Variants in SMPX observed in about 807,000 individuals in gnomAD.
The protein encoded by SMPX is small muscular protein.
Under a neutral mutation model 6.3 loss-of-function variants are expected in SMPX, and 2 were observed. That is an observed-to-expected ratio of 0.32 (90% CI 0.13 to 0.99). The LOEUF is 0.99. Among genes scored for constraint, SMPX ranks in the 50% least tolerant of loss-of-function variants. The pLI is 0.49. For synonymous variants in SMPX, 32 were observed against 24.7 expected, an observed-to-expected ratio of 1.30 and a Z score of -0.88; for missense variants, 60 against 66.8, an observed-to-expected ratio of 0.90 and a Z score of 0.36.
chrX:21,718,676 C>T (rs2092788058), intron 4 of SMPX, among the ~76,000 whole-genome samples: 1 of 111,772 alleles, frequency 8.9e-6, no homozygotes, highest in African/African-American at 3.3e-5. Context: ...GGAAATAAGC[C>T]TTGTGAGGGA....
intron 3 of SMPX, 62 bp downstream of exon 3, chrX:21,743,688 C>T: frequency 9.9e-7 from 1 of 1,005,854 alleles, no homozygotes; most frequent in East Asian, 3.0e-5. Context: ...CCTCTGCCCC[C>T]TCTGGTGAGG....
At chrX:21,708,368 T>C (rs2092775154) in intron 4 of SMPX, among the ~76,000 whole-genome samples, 1 of 112,413 alleles carries the variant, frequency 8.9e-6, no homozygotes, top group Non-Finnish European at 1.9e-5. Flanking sequence ...GAGAAGTATA[T>C]AGCAGAGATC....
chrX:21,717,004 CTG>C (rs2092785961), intron 4 of SMPX, among the ~76,000 whole-genome samples: 1 of 111,708 alleles, frequency 9.0e-6, no homozygotes, highest in Admixed American at 9.5e-5. Context: ...GAAGTGAAGT[CTG>C]TGCTTTTAGT....
chrX:21,711,481 A>T (rs777739355), intron 4 of SMPX, among the ~76,000 whole-genome samples: 1 of 112,058 alleles, frequency 8.9e-6, no homozygotes, highest in Admixed American at 9.4e-5. Flanking sequence ...CGTAACTTTT[A>T]TACCCAGACC....
chrX:21,733,611 C>A (rs767654946), intron 4 of SMPX: 1 of 280,754 alleles, frequency 3.6e-6, no homozygotes, highest in Admixed American at 4.2e-5. Context: ...TTGCGACTTT[C>A]TCGGTGCTTA....
intron 2 of SMPX, among the ~76,000 whole-genome samples, chrX:21,751,125 G>C (rs1288606799): frequency 8.9e-6 from 1 of 112,224 alleles, no homozygotes; most frequent in African/African-American, 3.2e-5. Context: ...CTAAGTCACT[G>C]TTTCTAGAAG....
At chrX:21,755,693 T>C (rs1241138725) in intron 1 of SMPX, among the ~76,000 whole-genome samples, 1 of 112,335 alleles carries the variant, frequency 8.9e-6, no homozygotes, top group Non-Finnish European at 1.9e-5. Context: ...GGCTCTATTA[T>C]GTGAAGTTAA....
intron 4 of SMPX, among the ~76,000 whole-genome samples, chrX:21,731,042 T>C (rs1425908938): frequency 9.0e-6 from 1 of 111,454 alleles, no homozygotes; most frequent in African/African-American, 3.3e-5. Context: ...TCATTGCATC[T>C]TATAAATTTG....
intron 3 of SMPX, among the ~76,000 whole-genome samples, chrX:21,739,677 C>CTG (rs890480208): frequency 4.5e-5 from 5 of 111,729 alleles, no homozygotes; most frequent in Admixed American, 9.5e-5. Flanking sequence ...CTATAAAGTG[C>CTG]TGTGTGTGTG....
At chrX:21,750,258 G>A (rs776071010) in intron 2 of SMPX, among the ~76,000 whole-genome samples, 1 of 112,030 alleles carries the variant, frequency 8.9e-6, no homozygotes, top group East Asian at 2.8e-4. Context: ...TATGCAGAGA[G>A]TGCTGATGTT....
At chrX:21,713,705 T>G (rs2092781225) in intron 4 of SMPX, among the ~76,000 whole-genome samples, 2 of 112,080 alleles carry the variant, frequency 1.8e-5, no homozygotes, top group Non-Finnish European at 3.8e-5. Context: ...ATGTGAATTA[T>G]GGGAGCTACA....
At chrX:21,749,776 C>G (rs2382760) in intron 2 of SMPX, among the ~76,000 whole-genome samples, 58,429 of 110,592 alleles carry the variant, frequency 0.53, 11,927 homozygotes, top group African/African-American at 0.77. Flanking sequence ...ATAAACCTTA[C>G]AAGATATTCT....
intron 4 of SMPX, among the ~76,000 whole-genome samples, chrX:21,735,225 C>A (rs915940397): frequency 8.9e-6 from 1 of 111,788 alleles, no homozygotes; most frequent in African/African-American, 3.3e-5. Context: ...ACTGAAGTCT[C>A]GAAATTTCAA....
chrX:21,742,041 AAAG>A (rs2092816614), intron 3 of SMPX, among the ~76,000 whole-genome samples: 1 of 112,180 alleles, frequency 8.9e-6, no homozygotes, highest in Non-Finnish European at 1.9e-5. Context: ...CCAGTTGGAC[AAAG>A]AAGAACCAGG....
At chrX:21,740,444 TG>T (rs2092814837) in intron 3 of SMPX, among the ~76,000 whole-genome samples, 1 of 111,891 alleles carries the variant, frequency 8.9e-6, no homozygotes, top group Non-Finnish European at 1.9e-5. Context: ...ATGTTTCCCT[TG>T]GGGGTCACAG....
At chrX:21,719,553 A>C (rs1212329064) in intron 4 of SMPX, among the ~76,000 whole-genome samples, 1 of 110,671 alleles carries the variant, frequency 9.0e-6, no homozygotes, top group African/African-American at 3.3e-5. Context: ...AGAAAGAAAG[A>C]AAGAAAGAAA....
intron 4 of SMPX, among the ~76,000 whole-genome samples, chrX:21,712,683 T>C (rs1377564923): frequency 8.9e-6 from 1 of 111,763 alleles, no homozygotes; most frequent in Non-Finnish European, 1.9e-5. Flanking sequence ...TGGAGAAATA[T>C]TGACCCAAGA....
intron 4 of SMPX, among the ~76,000 whole-genome samples, chrX:21,722,279 A>G (rs2092792506): frequency 8.9e-6 from 1 of 112,497 alleles, no homozygotes; most frequent in African/African-American, 3.2e-5. Flanking sequence ...TTTTACTTCC[A>G]CTACCTGGAC....
intron 3 of SMPX, among the ~76,000 whole-genome samples, chrX:21,739,852 T>G (rs2092814265): frequency 8.9e-6 from 1 of 112,447 alleles, no homozygotes; most frequent in Non-Finnish European, 1.9e-5. Flanking sequence ...TTACTGACTT[T>G]GTAACATCAA....
Sources: allele counts gnomAD v4.1 joint callset (sites outside exome capture counted in the v4.1 genomes callset), GRCh38; gene constraint gnomAD v4.1.1; transcripts MANE v1.5; gene names NCBI Gene and HGNC (gene_info 2026-07-23, HGNC 2026-07-21).